The following HAND1 variants were observed in gnomAD, a reference collection of about 807,000 sequenced individuals.
HAND1 encodes the protein heart- and neural crest derivatives-expressed protein 1.
Under a neutral mutation model 14.5 loss-of-function variants are expected in HAND1, and 10 were observed. The observed-to-expected ratio is 0.69, with a 90% CI of 0.42 to 1.17. HAND1 has a LOEUF of 1.17. HAND1 is among the 50% of genes most tolerant of loss of function. HAND1 has a pLI of 0.00. For missense variants in HAND1, 299 were observed against 298.4 expected (o/e 1.00, Z -0.01); for synonymous variants, 128 against 127.1 (o/e 1.01, Z -0.05).
Position 154,475,338 on chromosome 5 carries a change from C to T in HAND1, c.*468G>A, listed in dbSNP as rs1270421446. The T allele has an allele frequency of 6.3e-6, 1 of 158,172 alleles. No individual in the cohort carries two copies. Among genetic ancestry groups the T allele is most frequent in the Non-Finnish European group, 1.4e-5 (1 of 71,516 alleles). 9.8% of individuals were successfully genotyped at this position (158,172 alleles called of 1,614,324 possible). A position where few individuals can be genotyped will look rare whatever the true frequency, so the allele number is the denominator to read the frequency against. Reference sequence around the variant, plus strand: ...CTTTCATCTTCCTGCGTCTGGTTCTCTTTCTCAGGCAGAAAAGAATTGATT... The same window carrying T: ...CTTTCATCTTCCTGCGTCTGGTTCTTTTTCTCAGGCAGAAAAGAATTGATT... On this transcript the variant is annotated 3_prime_UTR_variant, in exon 2 of 2. Coordinates refer to ENST00000231121, the MANE Select transcript of HAND1 (RefSeq NM_004821.3).
intron 1 of HAND1, among the ~76,000 whole-genome samples, chr5:154,476,142 G>T (rs1450768880): frequency 6.6e-6 from 1 of 152,156 alleles, no homozygotes; most frequent in African/African-American, 2.4e-5. Context: ...GCTTCGGGAG[G>T]TTTGGTAAGG....
At position 154,475,153 on chromosome 5, in the gene HAND1, A is replaced by G. The variant is rs1416106793; in HGVS notation, c.*653T>C. The G allele has an allele frequency of 6.5e-6, 1 of 152,838 alleles. No homozygotes were observed. The highest frequency in any genetic ancestry group is 1.5e-5 in the Non-Finnish European group (1 of 68,306). 9.5% of individuals were successfully genotyped at this position (152,838 alleles called of 1,614,324 possible). ...TACATAAAAACTTTCCAACACAGGG[A>G]AAGCTTTTATTTAGATAGAAACAAA... On this transcript the variant is annotated 3_prime_UTR_variant, in exon 2 of 2. Transcript: ENST00000231121.
At chr5:154,476,394 C>G (rs1757543288) in intron 1 of HAND1, among the ~76,000 whole-genome samples, 2 of 152,148 alleles carry the variant, frequency 1.3e-5, no homozygotes, top group African/African-American at 4.8e-5. Context: ...GGGAGTCGAG[C>G]TGGCCTAGCG....
rs1390303433 is a variant in HAND1, at chr5:154,475,308, G to T, written c.*498C>A. The stretch of plus-strand genomic sequence containing the variant: ...ACCACCACGATTCGAAGAACAAAGG[G>T]CAGCCTTTCATCTTCCTGCGTCTGG... On this transcript the variant is annotated 3_prime_UTR_variant, in exon 2 of 2. Transcript: ENST00000231121. 2.6e-5 allele frequency: 4 copies of T among 155,828 alleles called. No individual in the cohort carries two copies. The highest frequency in any genetic ancestry group is 9.6e-5 in the African/African-American group (4 of 41,482). 9.7% of individuals were successfully genotyped at this position (155,828 alleles called of 1,614,324 possible).
rs1757520520 is a variant in HAND1 at position 154,475,106 on chromosome 5, C to G, written c.*700G>C. On this transcript the variant is annotated 3_prime_UTR_variant, in exon 2 of 2. Transcript: ENST00000231121. Reference sequence around the variant, plus strand: ...AGGATGAACAAACACCTGAGCACAACAGGCATGGTAGGTAGTTTAAATACA... The same window carrying G: ...AGGATGAACAAACACCTGAGCACAAGAGGCATGGTAGGTAGTTTAAATACA... The G allele has an allele frequency of 6.6e-6, 1 of 152,506 alleles. No homozygotes were observed. Among genetic ancestry groups the G allele is most frequent in the Non-Finnish European group, 1.5e-5 (1 of 68,134 alleles). 9.4% of individuals were successfully genotyped at this position (152,506 alleles called of 1,614,324 possible).
Position 154,478,020 on chromosome 5 carries a change from T to G in HAND1, c.-12A>C, listed in dbSNP as rs754050287. On this transcript the variant is annotated 5_prime_UTR_variant, in exon 1 of 2. Transcript: ENST00000231121. This position sits in a 1 kb window ranked among gnomAD's most constrained non-coding sequence, Gnocchi z 4.5. The stretch of plus-strand genomic sequence containing the variant: ...CCCACGAGGTTCATGTTGGAGCGGC[T>G]ACTGGCCTGCGCCGCCAGCCCTATT... 20 of 1,597,014 alleles carry G rather than the reference T, an allele frequency of 1.3e-5. No individual in the cohort carries two copies. Among genetic ancestry groups the G allele is most frequent in the Non-Finnish European group, 1.6e-5 (19 of 1,179,820 alleles).
Position 154,477,363 on chromosome 5 carries a change from A to T in HAND1, c.543+103T>A, listed in dbSNP as rs911212773. 4 of 942,358 alleles carry T rather than the reference A, an allele frequency of 4.2e-6. No homozygotes were observed. The East Asian group carries it at 7.3e-5, about 17-fold the overall frequency. 58.4% of individuals were successfully genotyped at this position (942,358 alleles called of 1,614,324 possible). On this transcript the variant is annotated intron_variant, in intron 1 of 1. Coordinates refer to ENST00000231121, the MANE Select transcript of HAND1 (RefSeq NM_004821.3). ...CTCAGAACTCTTCCCAACCTTTCCA[A>T]ATCGGACACAGGACAACACAGCCTC...
chr5:154,475,605 A>G lies in HAND1; in HGVS notation c.*201T>C, dbSNP rs1757528233. 1.0e-5 allele frequency: 6 copies of G among 601,714 alleles called. No individual in the cohort carries two copies. In the East Asian group the frequency reaches 1.7e-4, roughly 17 times the overall value. 37.3% of individuals were successfully genotyped at this position (601,714 alleles called of 1,614,324 possible). ...TATATATTTCTCTTTCTCTTAATGT[A>G]TTAAAAAAAATCAAAGGACATTGCA... On this transcript the variant is annotated 3_prime_UTR_variant, in exon 2 of 2. Transcript: ENST00000231121.
In HAND1 at chr5:154,477,987, C is replaced by A. The variant is rs371033200; in HGVS notation, c.22G>T (p.Ala8Ser). 2 of 1,598,054 alleles carry A rather than the reference C, an allele frequency of 1.3e-6. No homozygotes were observed. Among genetic ancestry groups the A allele is most frequent in the Non-Finnish European group, 1.7e-6 (2 of 1,179,870 alleles). Residue 8 changes from alanine to serine, a missense_variant, in exon 1 of 2, where the codon GCA becomes TCA. Ala to Ser is a moderately conservative substitution (Grantham distance 99). Transcript: ENST00000231121. The part of the protein sequence containing the change: MNLVGSY[A>S]HHHHHHHPHP... ...GGGTGGTGATGGTGGTGATGGTGTG[C>A]GTAGCTGCCCACGAGGTTCATGTTG...
chr5:154,478,081 C>A lies in HAND1; in HGVS notation c.-73G>T, dbSNP rs1489009690. On this transcript the variant is annotated 5_prime_UTR_variant, in exon 1 of 2. Coordinates refer to ENST00000231121, the MANE Select transcript of HAND1 (RefSeq NM_004821.3). This position sits in a 1 kb window ranked among gnomAD's most constrained non-coding sequence, Gnocchi z 4.5. ...CATGCGCCCCAGAGACTGCCGGGGG[C>A]CACCTGTGGGCTCTGGAGCCACTAC... 1 of 1,559,942 alleles carries A rather than the reference C, an allele frequency of 6.4e-7. No homozygotes were observed. The highest frequency in any genetic ancestry group is 2.2e-5 in the East Asian group (1 of 44,616).
In HAND1 at chr5:154,477,646, G is replaced by A; in HGVS notation, c.363C>T (p.Ile121=). 6.2e-7 allele frequency: 1 copy of A among 1,614,256 alleles called. No individual in the cohort carries two copies. Among genetic ancestry groups the A allele is most frequent in the Non-Finnish European group, 8.5e-7 (1 of 1,180,052 alleles). The change falls in exon 1 of 2, where the codon ATC becomes ATT. Residue 121 remains isoleucine (I), a synonymous_variant. Coordinates refer to ENST00000231121, the MANE Select transcript of HAND1 (RefSeq NM_004821.3). ...GCTTGGTGTCGGCCGGCACGTTGGGGATGCACTCGCGCAACTCCGCGAATG... is the reference window on the plus strand; with the variant it reads ...GCTTGGTGTCGGCCGGCACGTTGGGAATGCACTCGCGCAACTCCGCGAATG... ...NSAFAELREC[I]PNVPADTKLS...
rs768888751 is a variant in HAND1 at position 154,477,480 on chromosome 5, G to T, written c.529C>A (p.Arg177=). The part of the protein sequence containing the change: ...KKADGGRESK[R]KRELQQHEGF... ...CCAGGACTCACCAGCTCCCTTTTCCGCTTGCTCTCACGGCCGCCATCCGCC... is the reference window on the plus strand; with the variant it reads ...CCAGGACTCACCAGCTCCCTTTTCCTCTTGCTCTCACGGCCGCCATCCGCC... Residue 177 remains arginine, a synonymous_variant, in exon 1 of 2, where the codon CGG becomes AGG. Coordinates refer to ENST00000231121, the MANE Select transcript of HAND1 (RefSeq NM_004821.3). The T allele has an allele frequency of 1.2e-6, 2 of 1,613,860 alleles. No individual in the cohort carries two copies. The highest frequency in any genetic ancestry group is 1.7e-6 in the Non-Finnish European group (2 of 1,179,842).
At chr5:154,475,983 T>G in intron 1 of HAND1, 73 bp from the exon 2 acceptor site, 1 of 1,113,362 alleles carries the variant, frequency 9.0e-7, no homozygotes, top group South Asian at 1.3e-5. Context: ...TCGCCCGGCA[T>G]GGGGTAAGAT....
intron 1 of HAND1, among the ~76,000 whole-genome samples, chr5:154,476,509 G>A (rs532289685): frequency 6.6e-6 from 1 of 152,118 alleles, no homozygotes; most frequent in Non-Finnish European, 1.5e-5. Flanking sequence ...TCGAGGCGCC[G>A]CACCTCGAAA....
Position 154,475,796 on chromosome 5 carries a change from G to C in HAND1, c.*10C>G, listed in dbSNP as rs780723638. The stretch of plus-strand genomic sequence containing the variant: ...GCTGGCCTGGCCAGGTCCTCGGCGC[G>C]GGCCTCGGCTCACTGGTTTAACTCC... On this transcript the variant is annotated 3_prime_UTR_variant, in exon 2 of 2. Transcript: ENST00000231121. The C allele has an allele frequency of 6.3e-7, 1 of 1,596,276 alleles. No homozygotes were observed. The highest frequency in any genetic ancestry group is 8.6e-7 in the Non-Finnish European group (1 of 1,165,382).
At chr5:154,476,123 G>A (rs1156848313) in intron 1 of HAND1, among the ~76,000 whole-genome samples, 1 of 152,196 alleles carries the variant, frequency 6.6e-6, no homozygotes, top group Non-Finnish European at 1.5e-5. Context: ...ACCCGGGATG[G>A]GCTGGGCAGC....
chr5:154,477,268 G>T (rs892379873), intron 1 of HAND1, among the ~76,000 whole-genome samples, 198 bp downstream of exon 1: 1 of 152,128 alleles, frequency 6.6e-6, no homozygotes, highest in African/African-American at 2.4e-5. Context: ...ACACTCTCCC[G>T]TATTACAAAT....
intron 1 of HAND1, among the ~76,000 whole-genome samples, chr5:154,476,750 C>T (rs1199840509): frequency 2.6e-5 from 4 of 152,164 alleles, no homozygotes; most frequent in Non-Finnish European, 5.9e-5. Flanking sequence ...GCCCCCAGCC[C>T]CGGACAGCCA....
At chr5:154,477,180 A>G (rs1399310202) in intron 1 of HAND1, among the ~76,000 whole-genome samples, 1 of 152,184 alleles carries the variant, frequency 6.6e-6, no homozygotes, top group African/African-American at 2.4e-5. Flanking sequence ...GACTTCTCCA[A>G]ATTGGAAGCA....
Sources: gnomAD v4.1 joint callset for allele counts (sites outside exome capture counted in the v4.1 genomes callset) on GRCh38, gnomAD v4.1.1 for gene constraint, Gnocchi (gnomAD v3.1) non-coding constraint, MANE v1.5 for transcripts, NCBI Gene and HGNC (gene_info 2026-07-23, HGNC 2026-07-21) for gene names.